Variants in CDK5RAP2 observed in about 807,000 individuals in gnomAD.
CDK5RAP2 encodes CDK5 regulatory subunit associated protein 2, also known as CDK5 regulatory subunit-associated protein 2.
Under a neutral mutation model 232.9 loss-of-function variants are expected in CDK5RAP2, and 147 were observed. That is an observed-to-expected ratio of 0.63 (90% CI 0.55 to 0.72). The LOEUF (loss-of-function observed/expected upper bound fraction) is 0.72, where lower values mean the gene tolerates loss of function less well. Among genes scored for constraint, CDK5RAP2 ranks in the 30% least tolerant of loss-of-function variants. CDK5RAP2 has a pLI of 0.00. For missense variants in CDK5RAP2, 2,195 were observed against 2,231.5 expected (o/e 0.98, Z 0.33); for synonymous variants, 833 against 833.7 (o/e 1.00, Z 0.01).
intron 28 of CDK5RAP2, among the ~76,000 whole-genome samples, chr9:120,413,313 C>T (rs1017837932): frequency 2.0e-5 from 3 of 152,206 alleles, no homozygotes; most frequent in Admixed American, 6.5e-5. Context: ...CAAGTAGTGA[C>T]AAGCTGGAAG....
intron 2 of CDK5RAP2, 66 bp from the exon 3 acceptor site, chr9:120,568,454 A>G: frequency 8.9e-7 from 1 of 1,124,766 alleles, no homozygotes; most frequent in Non-Finnish European, 1.4e-6. Flanking sequence ...CTATTGGGGA[A>G]TAGAGCACAG....
Position 120,518,418 on chromosome 9 carries a change from G to A in CDK5RAP2, c.1311+9C>T, listed in dbSNP as rs147829258. 12 of 1,610,190 alleles carry A rather than the reference G, an allele frequency of 7.5e-6. No homozygotes were observed. In the African/African-American group the frequency reaches 8.0e-5, roughly 11 times the overall value. The stretch of plus-strand genomic sequence containing the variant: ...GTCCACTGTGTCAGAAGGGCAGGGC[G>A]GTACTCACACGGATGGTGCAGTCTC... On this transcript the variant is annotated intron_variant, in intron 12 of 37. Transcript: ENST00000349780.
Position 120,527,910 on chromosome 9 carries a change from G to A in CDK5RAP2, c.895C>T (p.Leu299=), listed in dbSNP as rs777788660. 3.7e-6 allele frequency: 6 copies of A among 1,613,352 alleles called. No homozygotes were observed. Among genetic ancestry groups the A allele is most frequent in the Non-Finnish European group, 5.1e-6 (6 of 1,179,928 alleles). The change falls in exon 10 of 38, where the codon CTG becomes TTG. Residue 299 remains leucine, a synonymous_variant. Coordinates refer to ENST00000349780, the MANE Select transcript of CDK5RAP2 (RefSeq NM_018249.6). ...GCAATTTCTCTTTCCTTCTCTCTCA[G>A]GTCCTCTTCAAGTGCCTAAATTAGA... ...EERIQALEED[L]REKEREIATE...
chr9:120,477,780 C>T (rs111370471), intron 14 of CDK5RAP2, among the ~76,000 whole-genome samples: 56 of 152,206 alleles, frequency 3.7e-4, no homozygotes, highest in African/African-American at 1.1e-3. Flanking sequence ...TTTTAAAACA[C>T]TACAAAAAAA....
At chr9:120,427,761 G>A (rs959123854) in intron 25 of CDK5RAP2, among the ~76,000 whole-genome samples, 3 of 152,166 alleles carry the variant, frequency 2.0e-5, no homozygotes, top group African/African-American at 7.2e-5. Context: ...GAGGGGAAAT[G>A]CAAGGCCTGG....
chr9:120,514,271 C>T (rs1263018578), intron 12 of CDK5RAP2, among the ~76,000 whole-genome samples: 3 of 152,186 alleles, frequency 2.0e-5, no homozygotes, highest in Admixed American at 1.3e-4. Flanking sequence ...TGCTTTTGGT[C>T]TGCCCAGTGC....
rs532740324 is a variant in CDK5RAP2 at position 120,434,906 on chromosome 9, G to T, written c.3955+2389C>A. Among the ~76,000 whole-genome samples the T allele has an allele frequency of 2.6e-5, 4 of 152,136 alleles. No individual in the cohort carries two copies. The East Asian group carries it at 7.7e-4, about 29-fold the overall frequency. ...TCCCAATGGGTTTAAGAGAGAAAGGGGAATGGAAAGCAATACTACTGGAGA... is the reference window on the plus strand; with the variant it reads ...TCCCAATGGGTTTAAGAGAGAAAGGTGAATGGAAAGCAATACTACTGGAGA... On this transcript the variant is annotated intron_variant, in intron 25 of 37. Transcript: ENST00000349780.
At chr9:120,542,090 G>A (rs559176818) in intron 5 of CDK5RAP2, among the ~76,000 whole-genome samples, 3 of 152,212 alleles carry the variant, frequency 2.0e-5, no homozygotes, top group African/African-American at 4.8e-5. Context: ...CTGTCCCCAC[G>A]CCCCAACAAA....
At chr9:120,448,799 C>T (rs567329594) in intron 21 of CDK5RAP2, among the ~76,000 whole-genome samples, 41 of 152,254 alleles carry the variant, frequency 2.7e-4, no homozygotes, top group South Asian at 8.3e-4. Context: ...TTTCACTACT[C>T]ATCAGGGTCC....
rs539728040 is a variant in CDK5RAP2, at chr9:120,447,645, T to G, written c.3025+250A>C. On this transcript the variant is annotated intron_variant, in intron 22 of 37. Transcript: ENST00000349780. ...GGACAATCCTTAGTGAAGGCAGCAG[T>G]GCCCCCTCAGACCTATGAGCACTGC... Among the ~76,000 whole-genome samples the G allele has an allele frequency of 1.1e-4, 17 of 152,320 alleles. 1 individual carries two copies. In the South Asian group the frequency reaches 2.3e-3, roughly 20 times the overall value.
At chr9:120,400,631 A>G (rs2032922829) in intron 35 of CDK5RAP2, 111 bp downstream of exon 35, 7 of 1,362,808 alleles carry the variant, frequency 5.1e-6, no homozygotes, top group Non-Finnish European at 7.3e-6. Flanking sequence ...TCCCTAATAC[A>G]TACCCCAAAT....
At chr9:120,566,009 A>G (rs2042633988) in intron 3 of CDK5RAP2, among the ~76,000 whole-genome samples, 1 of 152,218 alleles carries the variant, frequency 6.6e-6, no homozygotes. Flanking sequence ...AAGGTGACCT[A>G]TGTGTTGCCA....
At chr9:120,434,714 T>C (rs1367268643) in intron 25 of CDK5RAP2, among the ~76,000 whole-genome samples, 3 of 152,118 alleles carry the variant, frequency 2.0e-5, no homozygotes, top group African/African-American at 7.2e-5. Context: ...CTCAGTGGCA[T>C]CGTCTGGAAG....
intron 32 of CDK5RAP2, among the ~76,000 whole-genome samples, chr9:120,404,576 G>A (rs1369369174): frequency 6.6e-6 from 1 of 152,188 alleles, no homozygotes; most frequent in Non-Finnish European, 1.5e-5. Context: ...TGGAATCATC[G>A]CTCAGGGAGA....
rs2036906745 is a variant in CDK5RAP2, at chr9:120,458,468, G to A, written c.2357C>T (p.Thr786Ile). Residue 786 changes from threonine (T) to isoleucine (I), a missense_variant, in exon 20 of 38, where the codon ACA becomes ATA. Physicochemically the swap from Thr to Ile is moderately conservative, Grantham distance 89 (BLOSUM62 -1). Transcript: ENST00000349780. ...TGTATACCTGGATTCCAGTAATAATGTGGCCTTCTCATTGAACAAAGGGGC... is the reference window on the plus strand; with the variant it reads ...TGTATACCTGGATTCCAGTAATAATATGGCCTTCTCATTGAACAAAGGGGC... The part of the protein sequence containing the change: ...LLAPLFNEKA[T>I]LLLESRPDLL... The A allele has an allele frequency of 6.2e-7, 1 of 1,614,010 alleles. No homozygotes were observed.
intron 35 of CDK5RAP2, 38 bp downstream of exon 35, chr9:120,400,704 G>A: frequency 6.2e-7 from 1 of 1,611,614 alleles, no homozygotes; most frequent in Non-Finnish European, 8.5e-7. Flanking sequence ...AGGCCCCAGT[G>A]GCATCCTTGA....
chr9:120,485,036 T>C (rs573452055), intron 14 of CDK5RAP2, among the ~76,000 whole-genome samples: 2 of 152,248 alleles, frequency 1.3e-5, no homozygotes, highest in Middle Eastern at 3.4e-3. Flanking sequence ...TAAATCTCTA[T>C]CTACAATTTG....
chr9:120,448,216 G>A (rs1050493488), intron 21 of CDK5RAP2, 90 bp from the exon 22 acceptor site: 32 of 1,136,782 alleles, frequency 2.8e-5, no homozygotes, highest in African/African-American at 1.5e-4. Context: ...CTTATAAAAC[G>A]GAATTCGAAC....
rs1336587244 is a variant in CDK5RAP2, at chr9:120,437,496, C to T, written c.3754G>A (p.Glu1252Lys). ...ATCTGCTGCCGTTGAAGGGAGAGCT[C>T]CCTGGCTTGGGACTGAACTAATGAA... The part of the protein sequence containing the change: ...YDSLVQSQAR[E>K]LSLQRQQIKD... Residue 1252 changes from glutamate (E) to lysine (K), a missense_variant, in exon 25 of 38, where the codon GAG becomes AAG. Transcript: ENST00000349780. The T allele has an allele frequency of 6.2e-7, 1 of 1,613,950 alleles. No individual in the cohort carries two copies. Among genetic ancestry groups the T allele is most frequent in the East Asian group, 2.2e-5 (1 of 44,886 alleles).
Sources: allele counts gnomAD v4.1 joint callset (sites outside exome capture counted in the v4.1 genomes callset), GRCh38; gene constraint gnomAD v4.1.1; transcripts MANE v1.5; gene names NCBI Gene and HGNC (gene_info 2026-07-23, HGNC 2026-07-21).